Variants in PIK3C2B observed in about 807,000 individuals in gnomAD.
PIK3C2B encodes phosphatidylinositol-4-phosphate 3-kinase catalytic subunit type 2 beta, also known as phosphatidylinositol 4-phosphate 3-kinase C2 domain-containing subunit beta.
PIK3C2B carries 83 observed loss-of-function variants against 184.3 expected under a neutral mutation model. The observed-to-expected ratio is 0.45, with a 90% CI of 0.38 to 0.54. The LOEUF (loss-of-function observed/expected upper bound fraction) is 0.54. Ranked by LOEUF, PIK3C2B falls within the 20% of genes least tolerant of loss-of-function variation. PIK3C2B has a pLI of 0.00. For missense variants in PIK3C2B, 1,736 were observed against 2,113.5 expected (o/e 0.82, Z 3.50); for synonymous variants, 779 against 837.6 (o/e 0.93, Z 1.21).
rs1675567030 is a variant in PIK3C2B, at chr1:204,440,133, CAGA to C, written c.3379+56_3379+58del. On this transcript the variant is annotated intron_variant, in intron 22 of 32. Coordinates refer to ENST00000684373, the MANE Select transcript of PIK3C2B (RefSeq NM_001377334.1). ...GGACACAGTTTGTGTTGGCAATGGGCAGAAGGACAATAAGCAAAGCGGTCCCCT... is the reference window on the plus strand; with the variant it reads ...GGACACAGTTTGTGTTGGCAATGGGCAGGACAATAAGCAAAGCGGTCCCCT... 5 of 1,538,196 alleles carry C rather than the reference CAGA, an allele frequency of 3.3e-6. No individual in the cohort carries two copies. The East Asian group carries it at 9.7e-5, about 30-fold the overall frequency.
Position 204,472,548 on chromosome 1 carries a change from G to C in PIK3C2B, c.-84-2662C>G, listed in dbSNP as rs141443852. ...AATCCCAGCACTTTGGGAGGCTGAGGTGGACGGATCACCTGAGGTCAGGAG... is the reference window on the plus strand; with the variant it reads ...AATCCCAGCACTTTGGGAGGCTGAGCTGGACGGATCACCTGAGGTCAGGAG... On this transcript the variant is annotated intron_variant, in intron 1 of 32. Transcript: ENST00000684373. Among the ~76,000 whole-genome samples the C allele has an allele frequency of 5.0e-3, 764 of 152,056 alleles. 8 individuals are homozygous for C. Among genetic ancestry groups the C allele is most frequent in the African/African-American group, 0.016 (678 of 41,516 alleles).
At position 204,446,095 on chromosome 1, in the gene PIK3C2B, G is replaced by A; in HGVS notation, c.2539C>T (p.His847Tyr). ...AGGGGGAGCGAGCTCACCTCCGAGTGGCAGTAATATCGCTTCTCCCACAGG... is the reference window on the plus strand; with the variant it reads ...AGGGGGAGCGAGCTCACCTCCGAGTAGCAGTAATATCGCTTCTCCCACAGG... ...KRLWEKRYYC[H>Y]SEVSSLPLVL... The change falls in exon 16 of 33, where the codon CAC (histidine) becomes TAC (tyrosine). Residue 847 changes from histidine (H) to tyrosine (Y), a missense_variant. Transcript: ENST00000684373. The A allele has an allele frequency of 6.3e-7, 1 of 1,594,590 alleles. No homozygotes were observed. Among genetic ancestry groups the A allele is most frequent in the Non-Finnish European group, 8.6e-7 (1 of 1,168,190 alleles).
intron 1 of PIK3C2B, among the ~76,000 whole-genome samples, chr1:204,488,129 T>TCATA (rs1657754853): frequency 6.6e-6 from 1 of 152,202 alleles, no homozygotes; most frequent in African/African-American, 2.4e-5. Context: ...TTTTCCAAGG[T>TCATA]CATACAGCTT....
chr1:204,480,768 A>G (rs897212057), intron 1 of PIK3C2B, among the ~76,000 whole-genome samples: 4 of 152,050 alleles, frequency 2.6e-5, no homozygotes, highest in South Asian at 2.1e-4. Flanking sequence ...AGGCAGAGCC[A>G]GCCATTCATG....
chr1:204,453,564 T>C (rs58689605), intron 12 of PIK3C2B, among the ~76,000 whole-genome samples: 24,143 of 151,960 alleles, frequency 0.16, 2,327 homozygotes, highest in East Asian at 0.41. Flanking sequence ...GAGCTAGAAA[T>C]AGAGGCTCAC....
chr1:204,457,633 T>C (rs751694565), intron 9 of PIK3C2B, 95 bp downstream of exon 9: 6 of 1,215,232 alleles, frequency 4.9e-6, no homozygotes, highest in South Asian at 1.7e-5. Context: ...CCCTTTTTAG[T>C]GAGTGAACAC....
chr1:204,468,456 C>G (rs767385141), intron 2 of PIK3C2B, among the ~76,000 whole-genome samples: 1 of 152,142 alleles, frequency 6.6e-6, no homozygotes, highest in African/African-American at 2.4e-5. Context: ...TGATCTTCAT[C>G]GCCACGCAGC....
chr1:204,433,291 T>C lies in PIK3C2B; in HGVS notation c.3953+25A>G, dbSNP rs1051068189. On this transcript the variant is annotated intron_variant, in intron 26 of 32. Transcript: ENST00000684373. The surrounding 1 kb of genome is among the most constrained non-coding windows in gnomAD (Gnocchi z 5.0). ...GGGAATTACTCAGGGTGGGCAGTGC[T>C]GATTCGCTCAGGGAATCATTTTACC... 5.6e-6 allele frequency: 7 copies of C among 1,247,674 alleles called. No homozygotes were observed. Among genetic ancestry groups the C allele is most frequent in the Admixed American group, 1.7e-5 (1 of 58,724 alleles). 77.3% of individuals were successfully genotyped at this position (1,247,674 alleles called of 1,614,324 possible). A position where few individuals can be genotyped will look rare whatever the true frequency, so the allele number is the denominator to read the frequency against.
intron 21 of PIK3C2B, among the ~76,000 whole-genome samples, chr1:204,440,655 G>A (rs1038820594): frequency 2.9e-5 from 4 of 137,752 alleles, no homozygotes; most frequent in Admixed American, 2.4e-4. Context: ...GGAGTGCAGT[G>A]GCACGATCTC....
Position 204,469,544 on chromosome 1 carries a change from A to C in PIK3C2B, c.259T>G (p.Ser87Ala). 6.3e-7 allele frequency: 1 copy of C among 1,599,020 alleles called. No homozygotes were observed. Among genetic ancestry groups the C allele is most frequent in the Non-Finnish European group, 8.5e-7 (1 of 1,172,544 alleles). Residue 87 changes from serine to alanine, a missense_variant, in exon 2 of 33, where the codon TCT becomes GCT. This residue lies in a region of PIK3C2B where 404 missense variants were observed against 418.0 expected (regional missense o/e 0.97). Transcript: ENST00000684373. ...DLKLLRGLSGSDPTLNYNSLS... is the reference protein window; with the variant it reads ...DLKLLRGLSGADPTLNYNSLS... ...GAGTTGTAGTTAAGGGTAGGATCAGAGCCAGAGAGACCGCGTAACAGCTTG... is the reference window on the plus strand; with the variant it reads ...GAGTTGTAGTTAAGGGTAGGATCAGCGCCAGAGAGACCGCGTAACAGCTTG...
At chr1:204,453,847 C>G (rs191586783) in intron 12 of PIK3C2B, among the ~76,000 whole-genome samples, 163 of 151,340 alleles carry the variant, frequency 1.1e-3, no homozygotes, top group African/African-American at 3.3e-3. Context: ...GATCTCAGCT[C>G]ACTACAACCT....
chr1:204,494,122 T>C (rs1387555514), intron 1 of PIK3C2B, among the ~76,000 whole-genome samples: 2 of 152,088 alleles, frequency 1.3e-5, no homozygotes, highest in East Asian at 2.0e-4. Context: ...GCCCTGAAGC[T>C]GCTGGAGTGG....
At position 204,447,459 on chromosome 1, in the gene PIK3C2B, G is replaced by C. The variant is rs767302920; in HGVS notation, c.2466C>G (p.Ile822Met). The C allele has an allele frequency of 5.6e-6, 9 of 1,613,932 alleles. No homozygotes were observed. Among genetic ancestry groups the C allele is most frequent in the South Asian group, 4.4e-5 (4 of 91,072 alleles). Residue 822 changes from isoleucine (I) to methionine (M), a missense_variant, in exon 15 of 33, where the codon ATC (isoleucine) becomes ATG (methionine). Physicochemically the swap from Ile to Met is conservative, Grantham distance 10. Coordinates refer to ENST00000684373, the MANE Select transcript of PIK3C2B (RefSeq NM_001377334.1). The surrounding 1 kb of genome is among the most constrained non-coding windows in gnomAD (Gnocchi z 4.1). ...ACCAGTACAAGGACTCTTTCTGCAT[G>C]ATGTCTTTAAGCTTGCGCTGGTCTT... is the stretch of plus-strand genomic sequence containing the variant. ...REEDQRKLKD[I>M]MQKESLYWLT...
chr1:204,431,584 C>G, intron 28 of PIK3C2B, 85 bp downstream of exon 28: 1 of 1,531,728 alleles, frequency 6.5e-7, no homozygotes, highest in Non-Finnish European at 9.0e-7. Context: ...GTATTTTCTG[C>G]CCCTGCAGCC....
chr1:204,443,395 G>C (rs1214448144), intron 19 of PIK3C2B, 22 bp downstream of exon 19: 1 of 1,603,964 alleles, frequency 6.2e-7, no homozygotes, highest in South Asian at 1.1e-5. Context: ...GAAATGGGTA[G>C]GGGCAGCCTC....
intron 31 of PIK3C2B, among the ~76,000 whole-genome samples, chr1:204,426,378 C>T (rs1297257509): frequency 1.3e-5 from 2 of 152,226 alleles, no homozygotes; most frequent in Non-Finnish European, 2.9e-5. Flanking sequence ...CTGGCAGGCT[C>T]CTGGCTCTGG....
chr1:204,468,671 G>A (rs547006620), intron 2 of PIK3C2B, among the ~76,000 whole-genome samples, 199 bp downstream of exon 2: 1 of 152,190 alleles, frequency 6.6e-6, no homozygotes, highest in Non-Finnish European at 1.5e-5. Context: ...CCCTGAGAAG[G>A]AGCCCTCCCT....
At chr1:204,452,264 T>C (rs886826032) in intron 12 of PIK3C2B, among the ~76,000 whole-genome samples, 1 of 144,804 alleles carries the variant, frequency 6.9e-6, no homozygotes, top group Non-Finnish European at 1.5e-5. Context: ...AAGTTCCTCC[T>C]GGGCCAGAAC....
chr1:204,450,393 G>C (rs575024138), intron 12 of PIK3C2B, among the ~76,000 whole-genome samples: 2 of 152,130 alleles, frequency 1.3e-5, no homozygotes, highest in East Asian at 1.9e-4. Flanking sequence ...TTCCGCAGAG[G>C]GTCCGCAAAG....
Sources: allele counts gnomAD v4.1 joint callset (sites outside exome capture counted in the v4.1 genomes callset), GRCh38; gene constraint gnomAD v4.1.1; regional missense constraint gnomAD v4.1.1; non-coding constraint Gnocchi (gnomAD v3.1); transcripts MANE v1.5; gene names NCBI Gene and HGNC (gene_info 2026-07-23, HGNC 2026-07-21).